The following ST6GAL1 variants were observed in gnomAD, a reference collection of about 807,000 sequenced individuals.
ST6GAL1 encodes the protein beta-galactoside alpha-2,6-sialyltransferase 1.
In ST6GAL1, 20 loss-of-function variants were observed where a neutral mutation model predicts 38.0. The observed-to-expected ratio is 0.53, with a 90% CI of 0.37 to 0.77. The LOEUF (loss-of-function observed/expected upper bound fraction) is 0.77, where lower values mean the gene tolerates loss of function less well. ST6GAL1 is among the 30% of genes least tolerant of loss of function. The pLI is 0.00. For synonymous variants in ST6GAL1, 196 were observed against 188.2 expected, an observed-to-expected ratio of 1.04 and a Z score of -0.34; for missense variants, 432 against 496.4, an observed-to-expected ratio of 0.87 and a Z score of 1.23.
At position 186,952,714 on chromosome 3, in the gene ST6GAL1, A is replaced by G. The variant is rs998506990; in HGVS notation, c.-324-11071A>G. 6.6e-6 allele frequency among the ~76,000 whole-genome samples: 1 copy of G among 152,038 alleles called. No homozygotes were observed. Among genetic ancestry groups the G allele is most frequent in the Non-Finnish European group, 1.5e-5 (1 of 68,014 alleles). On this transcript the variant is annotated intron_variant, in intron 1 of 7. Coordinates refer to ENST00000169298, the MANE Select transcript of ST6GAL1 (RefSeq NM_173216.2). The surrounding 1 kb of genome is among the most constrained non-coding windows in gnomAD (Gnocchi z 4.1). ...CCTCATGCCCTGGCCATCTCATATC[A>G]TCAATTTCCTGACAACCCTCAATTT...
At chr3:186,977,704 G>T (rs1367644783) in intron 2 of ST6GAL1, among the ~76,000 whole-genome samples, 7 of 152,136 alleles carry the variant, frequency 4.6e-5, no homozygotes, top group Non-Finnish European at 5.9e-5. Flanking sequence ...GCCTCCAGGG[G>T]CCTGCTGTAT....
chr3:186,984,857 T>TTCCG (rs1715850723), intron 2 of ST6GAL1, among the ~76,000 whole-genome samples: 1 of 128,182 alleles, frequency 7.8e-6, no homozygotes. Flanking sequence ...CCTTCCTTCC[T>TTCCG]TCCTTCCTTC....
chr3:186,995,505 C>CA (rs200317857), intron 2 of ST6GAL1, among the ~76,000 whole-genome samples: 24 of 26,760 alleles, frequency 9.0e-4, no homozygotes, highest in African/African-American at 1.5e-3. Context: ...GACACCATCT[C>CA]AAAAAAAAAA....
intron 2 of ST6GAL1, among the ~76,000 whole-genome samples, chr3:187,033,467 G>T (rs1488226205): frequency 6.6e-6 from 1 of 152,160 alleles, no homozygotes; most frequent in Non-Finnish European, 1.5e-5. Context: ...TCTTTCATCA[G>T]TTTATCCGTC....
At chr3:186,943,695 G>A (rs930786982) in intron 1 of ST6GAL1, among the ~76,000 whole-genome samples, 5 of 152,116 alleles carry the variant, frequency 3.3e-5, no homozygotes, top group East Asian at 1.9e-4. Context: ...TGATCCGCCC[G>A]CCTCAGCCTC....
chr3:187,060,664 G>A (rs987608615), intron 5 of ST6GAL1, among the ~76,000 whole-genome samples: 3 of 152,178 alleles, frequency 2.0e-5, no homozygotes, highest in East Asian at 1.9e-4. Context: ...GGCTGCTTGC[G>A]ATTTGCAGTC....
At position 186,933,177 on chromosome 3, in the gene ST6GAL1, T is replaced by G. The variant is rs143644402; in HGVS notation, c.-325+2343T>G. ...CTTTTTCCTAATTGGTTTTCTACGC[T>G]GCCGTGCCCACCTTTGAGTGGTGTC... is the stretch of plus-strand genomic sequence containing the variant. On this transcript the variant is annotated intron_variant, in intron 1 of 7. Transcript: ENST00000169298. 2.3e-3 allele frequency among the ~76,000 whole-genome samples: 355 copies of G among 152,352 alleles called. 4 individuals are homozygous for G. The highest frequency in any genetic ancestry group is 7.8e-3 in the African/African-American group (326 of 41,578).
At chr3:186,998,524 A>C (rs1716494639) in intron 2 of ST6GAL1, among the ~76,000 whole-genome samples, 1 of 152,134 alleles carries the variant, frequency 6.6e-6, no homozygotes, top group Non-Finnish European at 1.5e-5. Context: ...GAGGAGGAAG[A>C]GGAGGGATTG....
chr3:186,965,300 C>G (rs1715067795), intron 2 of ST6GAL1, among the ~76,000 whole-genome samples: 4 of 152,242 alleles, frequency 2.6e-5, no homozygotes, highest in Admixed American at 2.6e-4. Flanking sequence ...GACTCATAAT[C>G]TCTAATGCGG....
At chr3:187,029,628 C>T (rs970192403) in intron 2 of ST6GAL1, among the ~76,000 whole-genome samples, 2 of 152,206 alleles carry the variant, frequency 1.3e-5, no homozygotes, top group African/African-American at 2.4e-5. Flanking sequence ...CATTAAGGAC[C>T]TCCTGGCAGT....
intron 3 of ST6GAL1, among the ~76,000 whole-genome samples, chr3:187,042,319 G>A (rs1053614148): frequency 2.0e-5 from 3 of 152,074 alleles, no homozygotes; most frequent in Admixed American, 2.0e-4. Context: ...GAAACTCAGA[G>A]TGCAGTCAGA....
chr3:186,940,940 G>C (rs1279802674), intron 1 of ST6GAL1, among the ~76,000 whole-genome samples: 1 of 152,188 alleles, frequency 6.6e-6, no homozygotes, highest in African/African-American at 2.4e-5. Context: ...GTAAATGTCA[G>C]TGGGTTAAAT....
At chr3:186,939,417 C>T (rs1201229937) in intron 1 of ST6GAL1, among the ~76,000 whole-genome samples, 1 of 152,090 alleles carries the variant, frequency 6.6e-6, no homozygotes, top group Non-Finnish European at 1.5e-5. Flanking sequence ...AGTAAGGAGG[C>T]CTTGCTGTGT....
intron 2 of ST6GAL1, among the ~76,000 whole-genome samples, chr3:187,033,151 C>T (rs985289140): frequency 9.9e-5 from 15 of 152,170 alleles, no homozygotes; most frequent in South Asian, 2.1e-4. Context: ...TGGGGGCTCA[C>T]GCCTGTAATC....
chr3:186,999,410 TC>T (rs1330481901), intron 2 of ST6GAL1, among the ~76,000 whole-genome samples: 1 of 88,368 alleles, frequency 1.1e-5, no homozygotes, highest in Non-Finnish European at 2.3e-5. Context: ...ACTACTATAA[TC>T]TCTTTTTTTT....
In ST6GAL1 at chr3:187,030,870, C is replaced by T. The variant is rs554584714; in HGVS notation, c.-182-7872C>T. The stretch of plus-strand genomic sequence containing the variant: ...CCTGTCATTCAGTGTATCCAACAGG[C>T]AAAATGAACATTTGCAATGATGGTG... On this transcript the variant is annotated intron_variant, in intron 2 of 7. Transcript: ENST00000169298. Among the ~76,000 whole-genome samples, 7 of 152,238 alleles carry T rather than the reference C, an allele frequency of 4.6e-5. No homozygotes were observed. In the East Asian group the frequency reaches 1.4e-3, roughly 29 times the overall value.
chr3:186,965,054 G>C (rs1313277619), intron 2 of ST6GAL1, among the ~76,000 whole-genome samples: 1 of 152,196 alleles, frequency 6.6e-6, no homozygotes, highest in Non-Finnish European at 1.5e-5. Context: ...AGTTGACTGG[G>C]CAACCTTTGG....
rs1480885855 is a variant in ST6GAL1 at position 187,057,375 on chromosome 3, C to T, written c.705+6029C>T. On this transcript the variant is annotated intron_variant, in intron 5 of 7. Transcript: ENST00000169298. ...GCGAGGAGCTGCGATCCTTTGGAGG[C>T]AAAGAGGCACTCTGGTTTTTAGAAT... Among the ~76,000 whole-genome samples the T allele has an allele frequency of 5.3e-5, 8 of 152,190 alleles. 1 individual carries two copies. Among genetic ancestry groups the T allele is most frequent in the African/African-American group, 1.9e-4 (8 of 41,442 alleles).
At chr3:186,960,135 G>A (rs1579272439) in intron 1 of ST6GAL1, among the ~76,000 whole-genome samples, 1 of 152,216 alleles carries the variant, frequency 6.6e-6, no homozygotes, top group African/African-American at 2.4e-5. Context: ...TCTGTGGTTG[G>A]TGCCTCACAC....
Sources: allele counts gnomAD v4.1 joint callset (sites outside exome capture counted in the v4.1 genomes callset), GRCh38; gene constraint gnomAD v4.1.1; non-coding constraint Gnocchi (gnomAD v3.1); transcripts MANE v1.5; gene names NCBI Gene and HGNC (gene_info 2026-07-23, HGNC 2026-07-21).